Variants in NFIB observed in about 807,000 individuals in gnomAD.
NFIB encodes the protein nuclear factor I B.
A neutral mutation model predicts 61.5 loss-of-function variants in NFIB; 11 were observed. That is an observed-to-expected ratio of 0.18 (90% CI 0.11 to 0.30). The LOEUF is 0.30. NFIB is among the 10% of genes least tolerant of loss of function. The pLI is 1.00. For synonymous variants in NFIB, 260 were observed against 216.5 expected, an observed-to-expected ratio of 1.20 and a Z score of -1.76; for missense variants, 471 against 608.9, an observed-to-expected ratio of 0.77 and a Z score of 2.38.
At chr9:14,388,430 G>C (rs374045779) in intron 1 of NFIB, among the ~76,000 whole-genome samples, 4 of 100,080 alleles carry the variant, frequency 4.0e-5, no homozygotes, top group Non-Finnish European at 6.7e-5. Flanking sequence ...GAAGGAAGGA[G>C]AGAGAAAGAG....
chr9:14,237,464 C>A (rs1412386480), intron 2 of NFIB, among the ~76,000 whole-genome samples: 1 of 149,986 alleles, frequency 6.7e-6, no homozygotes, highest in East Asian at 2.0e-4. Flanking sequence ...CCATTGCCCA[C>A]TGAGCACAAA....
At chr9:14,395,462 T>A (rs1169676846) in intron 1 of NFIB, among the ~76,000 whole-genome samples, 4 of 152,054 alleles carry the variant, frequency 2.6e-5, no homozygotes, top group Non-Finnish European at 4.4e-5. Flanking sequence ...AGGGGCTTTG[T>A]GGCCTGGATG....
intron 2 of NFIB, among the ~76,000 whole-genome samples, chr9:14,276,985 G>C (rs117307033): frequency 6.6e-6 from 1 of 151,974 alleles, no homozygotes; most frequent in African/African-American, 2.4e-5. Context: ...ATGGTGCTAC[G>C]AAGAACTTTT....
the NFIB span, among the ~76,000 whole-genome samples, chr9:14,425,120 T>C: frequency 8.5e-5 from 13 of 152,248 alleles, no homozygotes; most frequent in Non-Finnish European, 1.6e-4. Context: ...TTCATTTTAC[T>C]GCTCAGCTCT....
intron 9 of NFIB, among the ~76,000 whole-genome samples, 183 bp downstream of exon 9, chr9:14,116,025 G>T (rs114295636): frequency 4.6e-5 from 7 of 152,212 alleles, no homozygotes; most frequent in Non-Finnish European, 1.0e-4. Flanking sequence ...GAGAGAGCCT[G>T]TGATAGCAGG....
chr9:14,356,868 A>G (rs2061182095), intron 1 of NFIB, among the ~76,000 whole-genome samples: 1 of 152,174 alleles, frequency 6.6e-6, no homozygotes, highest in South Asian at 2.1e-4. Flanking sequence ...GTGAGTGGTC[A>G]TGGGGCTGTT....
chr9:14,151,309 G>C (rs185731724), intron 4 of NFIB, among the ~76,000 whole-genome samples: 183 of 152,228 alleles, frequency 1.2e-3, no homozygotes, highest in African/African-American at 4.2e-3. Flanking sequence ...CGTGTTAAAA[G>C]CAGAGGAAGA....
the NFIB span, among the ~76,000 whole-genome samples, chr9:14,408,284 C>T: frequency 1.3e-5 from 2 of 152,160 alleles, no homozygotes; most frequent in East Asian, 1.9e-4. Flanking sequence ...TACAGATATA[C>T]CTGAATCTGT....
chr9:14,292,217 G>C (rs543189083), intron 2 of NFIB, among the ~76,000 whole-genome samples: 1 of 152,048 alleles, frequency 6.6e-6, no homozygotes, highest in Non-Finnish European at 1.5e-5. Flanking sequence ...CGCATCCAAA[G>C]AAGCACTGGG....
At chr9:14,240,802 T>A (rs925382586) in intron 2 of NFIB, among the ~76,000 whole-genome samples, 1 of 152,154 alleles carries the variant, frequency 6.6e-6, no homozygotes, top group Non-Finnish European at 1.5e-5. Flanking sequence ...CTCCCAAGCC[T>A]CAGTTCATCT....
chr9:14,280,656 GACA>G (rs1309212219), intron 2 of NFIB, among the ~76,000 whole-genome samples: 3 of 152,198 alleles, frequency 2.0e-5, no homozygotes, highest in African/African-American at 7.2e-5. Context: ...TTCCACAGGA[GACA>G]ACGTTAGGCA....
At chr9:14,403,104 G>C (rs187197415), upstream of NFIB, among the ~76,000 whole-genome samples, 5 of 152,292 alleles carry the variant, frequency 3.3e-5, no homozygotes, top group Admixed American at 2.6e-4. Flanking sequence ...TGTTTGAGCA[G>C]AACATTTCTT....
At chr9:14,296,199 G>A (rs1311346425) in intron 2 of NFIB, among the ~76,000 whole-genome samples, 1 of 152,112 alleles carries the variant, frequency 6.6e-6, no homozygotes, top group East Asian at 1.9e-4. Flanking sequence ...TCTACATTAT[G>A]CTATTTTCCT....
At chr9:14,253,715 G>T (rs2055908371) in intron 2 of NFIB, among the ~76,000 whole-genome samples, 1 of 152,124 alleles carries the variant, frequency 6.6e-6, no homozygotes, top group Non-Finnish European at 1.5e-5. Flanking sequence ...AAATGAAGTT[G>T]TCAGAAATAC....
At chr9:14,465,693 G>C in the NFIB span, among the ~76,000 whole-genome samples, 1 of 151,930 alleles carries the variant, frequency 6.6e-6, no homozygotes, top group Admixed American at 6.6e-5. Context: ...TCTGGTCCTG[G>C]GCTACCTACA....
chr9:14,497,730 C>T, the NFIB span, among the ~76,000 whole-genome samples: 4 of 152,182 alleles, frequency 2.6e-5, no homozygotes, highest in African/African-American at 7.2e-5. Flanking sequence ...AACCAAGTTC[C>T]AACTATCTGG....
In NFIB at chr9:14,086,014, C is replaced by A; in HGVS notation, c.*2295G>T. 1 of 229,398 alleles carries A rather than the reference C, an allele frequency of 4.4e-6. No individual in the cohort carries two copies. 14.2% of individuals were successfully genotyped at this position (229,398 alleles called of 1,614,324 possible). On this transcript the variant is annotated 3_prime_UTR_variant, in exon 11 of 11. Coordinates refer to ENST00000380953, the MANE Select transcript of NFIB (RefSeq NM_001190737.2). ...CCAAGCCAAGTCTGCCTTTTTAAGC[C>A]AAGTCTGCCTCCAGGAGAATTTGTT...
chr9:14,374,910 AAAATAAATAAAT>A (rs541331905), intron 1 of NFIB, among the ~76,000 whole-genome samples: 4 of 152,086 alleles, frequency 2.6e-5, no homozygotes, highest in African/African-American at 9.6e-5. Flanking sequence ...ACTCTGTCTC[AAAATAAATAAAT>A]AAATAAATAA....
upstream of NFIB, among the ~76,000 whole-genome samples, chr9:14,402,387 C>T (rs1298042398): frequency 6.6e-6 from 1 of 151,974 alleles, no homozygotes; most frequent in Non-Finnish European, 1.5e-5. Context: ...CCAGCTTAAA[C>T]AAAAGAAAAA....
Sources: allele counts gnomAD v4.1 joint callset (sites outside exome capture counted in the v4.1 genomes callset), GRCh38; gene constraint gnomAD v4.1.1; transcripts MANE v1.5; gene names NCBI Gene and HGNC (gene_info 2026-07-23, HGNC 2026-07-21).